Variants in ADAM18 observed in about 807,000 individuals in gnomAD.
ADAM18 encodes ADAM metallopeptidase domain 18.
In ADAM18, 117 loss-of-function variants were observed where a neutral mutation model predicts 94.4. The observed-to-expected ratio is 1.24, with a 90% CI of 1.07 to 1.45. The LOEUF is 1.45. Ranked by LOEUF, ADAM18 falls within the 40% of genes most tolerant of loss-of-function variation. The pLI is 0.00. For missense variants in ADAM18, 936 were observed against 880.0 expected, an observed-to-expected ratio of 1.06 and a Z score of -0.81; for synonymous variants, 327 against 291.6, an observed-to-expected ratio of 1.12 and a Z score of -1.24.
In ADAM18 at chr8:39,654,153, CCT is replaced by C. The variant is rs1563292606; in HGVS notation, c.1230+5627_1230+5628del. Among the ~76,000 whole-genome samples the C allele has an allele frequency of 1.4e-4, 17 of 118,742 alleles. 4 individuals are homozygous for C. Among genetic ancestry groups the C allele is most frequent in the Admixed American group, 4.1e-4 (5 of 12,234 alleles). The allele number at this position is 118,742 out of a possible 152,430, so 77.9% of individuals were successfully genotyped here. On this transcript the variant is annotated intron_variant, in intron 12 of 19. Coordinates refer to ENST00000265707, the MANE Select transcript of ADAM18 (RefSeq NM_014237.3). ...TTGCTGCCACTGACAGGATTTCATT[CCT>C]TTTTTTTTTTTTTTTTTTTGGAGAC...
chr8:39,622,228 A>G (rs1260742693), intron 6 of ADAM18, among the ~76,000 whole-genome samples: 1 of 151,122 alleles, frequency 6.6e-6, no homozygotes, highest in Non-Finnish European at 1.5e-5. Context: ...AGGCAAAATT[A>G]TATTCTCATT....
chr8:39,619,998 G>A (rs1563278122), intron 6 of ADAM18, among the ~76,000 whole-genome samples: 1 of 152,012 alleles, frequency 6.6e-6, no homozygotes, highest in Non-Finnish European at 1.5e-5. Flanking sequence ...CATGGTATTG[G>A]CATTAAAACA....
At chr8:39,599,110 T>C (rs1818829913) in intron 2 of ADAM18, among the ~76,000 whole-genome samples, 1 of 152,180 alleles carries the variant, frequency 6.6e-6, no homozygotes, top group South Asian at 2.1e-4. Flanking sequence ...TGCGCCAGGC[T>C]GGATTTTTTC....
At chr8:39,593,745 A>G (rs946153635) in intron 2 of ADAM18, among the ~76,000 whole-genome samples, 3 of 152,194 alleles carry the variant, frequency 2.0e-5, no homozygotes, top group East Asian at 3.8e-4. Context: ...ATCTTGCTGG[A>G]TTGATACCCT....
At chr8:39,622,609 A>G (rs1819646041) in intron 6 of ADAM18, among the ~76,000 whole-genome samples, 1 of 151,932 alleles carries the variant, frequency 6.6e-6, no homozygotes, top group African/African-American at 2.4e-5. Context: ...AAAAACATCT[A>G]GTTTTGTCAA....
intron 6 of ADAM18, among the ~76,000 whole-genome samples, chr8:39,619,813 TAA>T (rs1055601750): frequency 2.6e-5 from 4 of 152,160 alleles, no homozygotes; most frequent in African/African-American, 7.2e-5. Context: ...TCATATTACT[TAA>T]AGAGACTTAC....
chr8:39,597,080 A>G (rs1380140586), intron 2 of ADAM18, among the ~76,000 whole-genome samples: 1 of 152,024 alleles, frequency 6.6e-6, no homozygotes, highest in Non-Finnish European at 1.5e-5. Context: ...CATATATCTT[A>G]TTTGATGAGA....
chr8:39,585,194 G>T, intron 1 of ADAM18, 82 bp from the exon 2 acceptor site: 1 of 1,112,154 alleles, frequency 9.0e-7, no homozygotes, highest in Non-Finnish European at 1.3e-6. Context: ...CCACCATGCA[G>T]TCCGGGATAA....
At chr8:39,698,034 C>A (rs924086933) in intron 17 of ADAM18, among the ~76,000 whole-genome samples, 4 of 151,764 alleles carry the variant, frequency 2.6e-5, no homozygotes, top group African/African-American at 7.2e-5. Flanking sequence ...TCTATATTCT[C>A]TATTTAATCC....
intron 12 of ADAM18, among the ~76,000 whole-genome samples, chr8:39,661,285 T>C (rs894141997): frequency 1.3e-5 from 2 of 148,392 alleles, no homozygotes; most frequent in African/African-American, 5.0e-5. Context: ...CCCAAGTAGC[T>C]GGGACTACAG....
intron 12 of ADAM18, among the ~76,000 whole-genome samples, chr8:39,662,842 C>T (rs1820878571): frequency 6.6e-6 from 1 of 152,180 alleles, no homozygotes; most frequent in African/African-American, 2.4e-5. Flanking sequence ...CCAGGCTGGT[C>T]TTGAACTCCT....
At chr8:39,701,108 A>G in intron 17 of ADAM18, among the ~76,000 whole-genome samples, 1 of 98,066 alleles carries the variant, frequency 1.0e-5, no homozygotes, top group African/African-American at 3.8e-5. Flanking sequence ...ACAGAGCAAG[A>G]CTCTGTCTCA....
chr8:39,653,600 C>T (rs1425917377), intron 12 of ADAM18, among the ~76,000 whole-genome samples: 1 of 152,214 alleles, frequency 6.6e-6, no homozygotes, highest in East Asian at 1.9e-4. Context: ...AGGAATTCTA[C>T]TGATTTTAGA....
chr8:39,600,228 A>G (rs756264107), intron 2 of ADAM18, among the ~76,000 whole-genome samples: 1 of 152,212 alleles, frequency 6.6e-6, no homozygotes, highest in Middle Eastern at 3.4e-3. Context: ...ACAAAGTTTT[A>G]TGGATTATGG....
chr8:39,665,562 A>G (rs971032706), intron 13 of ADAM18, among the ~76,000 whole-genome samples: 1 of 152,220 alleles, frequency 6.6e-6, no homozygotes, highest in African/African-American at 2.4e-5. Flanking sequence ...CCCACCAGAC[A>G]CTTATGAGAC....
chr8:39,703,546 C>T (rs1300074566), intron 17 of ADAM18, among the ~76,000 whole-genome samples: 1 of 151,962 alleles, frequency 6.6e-6, no homozygotes, highest in African/African-American at 2.4e-5. Context: ...GAGAGGGCAC[C>T]TTAGCTCATG....
chr8:39,687,687 G>A (rs1222499689), intron 16 of ADAM18, among the ~76,000 whole-genome samples: 2 of 152,066 alleles, frequency 1.3e-5, no homozygotes, highest in South Asian at 2.1e-4. Context: ...TGTATTTAAT[G>A]TTTAGCTCCC....
At chr8:39,677,255 G>C (rs1821324681) in intron 14 of ADAM18, among the ~76,000 whole-genome samples, 176 bp from the exon 15 acceptor site, 1 of 152,154 alleles carries the variant, frequency 6.6e-6, no homozygotes, top group South Asian at 2.1e-4. Context: ...CATTTTCTGT[G>C]TGTGTAAGAT....
At chr8:39,636,118 A>G (rs997783210) in intron 7 of ADAM18, among the ~76,000 whole-genome samples, 2 of 151,474 alleles carry the variant, frequency 1.3e-5, no homozygotes, top group South Asian at 4.2e-4. Context: ...TTCTGGCCTC[A>G]ACCAATTCTT....
Sources: gnomAD v4.1 joint callset for allele counts (sites outside exome capture counted in the v4.1 genomes callset) on GRCh38, gnomAD v4.1.1 for gene constraint, MANE v1.5 for transcripts, NCBI Gene and HGNC (gene_info 2026-07-23, HGNC 2026-07-21) for gene names.